Variants in CPNE4 observed in about 807,000 individuals in gnomAD.
The protein encoded by CPNE4 is copine-4.
A neutral mutation model predicts 67.9 loss-of-function variants in CPNE4; 25 were observed. That is an observed-to-expected ratio of 0.37 (90% CI 0.27 to 0.51). The LOEUF is 0.51. Ranked by LOEUF, CPNE4 falls within the 20% of genes least tolerant of loss-of-function variation. The pLI, the probability that CPNE4 is intolerant of heterozygous loss-of-function variation, is 0.93. For missense variants in CPNE4, 464 were observed against 690.8 expected (o/e 0.67, Z 3.68); for synonymous variants, 242 against 244.9 (o/e 0.99, Z 0.11).
intron 7 of CPNE4, among the ~76,000 whole-genome samples, chr3:131,605,578 A>G (rs1939452151): frequency 6.6e-6 from 1 of 152,148 alleles, no homozygotes; most frequent in South Asian, 2.1e-4. Context: ...GAAATATTTT[A>G]AACAGAGAAA....
intron 7 of CPNE4, among the ~76,000 whole-genome samples, chr3:131,612,234 C>T (rs1190438280): frequency 6.6e-6 from 1 of 151,978 alleles, no homozygotes; most frequent in African/African-American, 2.4e-5. Flanking sequence ...ATTAGCCAGG[C>T]GTGGTGGCGG....
At chr3:131,557,735 T>G (rs1366025416) in intron 11 of CPNE4, among the ~76,000 whole-genome samples, 1 of 152,010 alleles carries the variant, frequency 6.6e-6, no homozygotes, top group Non-Finnish European at 1.5e-5. Flanking sequence ...TACTTCTGGG[T>G]CCTTGGACAT....
intron 1 of CPNE4, among the ~76,000 whole-genome samples, chr3:131,911,710 A>G (rs2088987374): frequency 6.6e-6 from 1 of 152,064 alleles, no homozygotes; most frequent in African/African-American, 2.4e-5. Context: ...GGGATAGGGT[A>G]CAGGAAAGCA....
intron 2 of CPNE4, among the ~76,000 whole-genome samples, chr3:131,825,585 T>A (rs1190439309): frequency 6.6e-6 from 1 of 151,638 alleles, no homozygotes; most frequent in Non-Finnish European, 1.5e-5. Flanking sequence ...CTATTCCACA[T>A]GAAGACAGTT....
intron 2 of CPNE4, among the ~76,000 whole-genome samples, chr3:131,900,176 G>A (rs1841534): frequency 0.2 from 31,026 of 151,958 alleles, 3,861 homozygotes; most frequent in Non-Finnish European, 0.27. Context: ...CAAAAAATAG[G>A]TGAAAGATAT....
intron 1 of CPNE4, among the ~76,000 whole-genome samples, chr3:131,931,750 TGCAGG>T (rs1394123135): frequency 6.6e-6 from 1 of 152,128 alleles, no homozygotes; most frequent in Non-Finnish European, 1.5e-5. Flanking sequence ...CTAAGACAAA[TGCAGG>T]GCATAGTGAA....
chr3:131,700,841 A>G (rs1418282912), intron 3 of CPNE4, among the ~76,000 whole-genome samples: 1 of 151,948 alleles, frequency 6.6e-6, no homozygotes, highest in Non-Finnish European at 1.5e-5. Context: ...CTTGGAACCA[A>G]CCCAAATGTC....
At chr3:131,724,321 C>T (rs1421663314) in intron 2 of CPNE4, among the ~76,000 whole-genome samples, 1 of 152,118 alleles carries the variant, frequency 6.6e-6, no homozygotes, top group East Asian at 1.9e-4. Flanking sequence ...TCAGTTTTCT[C>T]ATCAACAAAA....
At chr3:131,969,309 C>T (rs1372059768) in intron 1 of CPNE4, among the ~76,000 whole-genome samples, 1 of 151,834 alleles carries the variant, frequency 6.6e-6, no homozygotes, top group South Asian at 2.1e-4. Context: ...ACCACCATGG[C>T]ACATGTATAC....
At chr3:131,674,457 T>G (rs2080507564) in intron 6 of CPNE4, among the ~76,000 whole-genome samples, 1 of 152,164 alleles carries the variant, frequency 6.6e-6, no homozygotes, top group East Asian at 1.9e-4. Flanking sequence ...TTTCCAGGCT[T>G]TTCTTTGCCA....
At position 131,593,965 on chromosome 3, in the gene CPNE4, G is replaced by A. The variant is rs532643365; in HGVS notation, c.682-6383C>T. Among the ~76,000 whole-genome samples the A allele has an allele frequency of 2.6e-5, 4 of 152,154 alleles. No homozygotes were observed. In the South Asian group the frequency reaches 8.3e-4, roughly 32 times the overall value. ...AATCTCTTGACCTCGTAATCTGCCT[G>A]CCTCGGACTCCTAAAGTGCTGGGAT... is the stretch of plus-strand genomic sequence containing the variant. On this transcript the variant is annotated intron_variant, in intron 7 of 15. Coordinates refer to ENST00000429747, the MANE Select transcript of CPNE4 (RefSeq NM_130808.3).
At position 131,801,559 on chromosome 3, in the gene CPNE4, G is replaced by T. The variant is rs114934294; in HGVS notation, c.181-77934C>A. 2.8e-3 allele frequency among the ~76,000 whole-genome samples: 409 copies of T among 146,350 alleles called. 1 individual carries two copies. The highest frequency in any genetic ancestry group is 9.7e-3 in the African/African-American group (388 of 40,022). On this transcript the variant is annotated intron_variant, in intron 2 of 15. Coordinates refer to ENST00000429747, the MANE Select transcript of CPNE4 (RefSeq NM_130808.3). ...GTGACCTTAAATAGAAACAATAGTA[G>T]AATCAAAATCAGGTGTCCTAAAGGT...
intron 2 of CPNE4, among the ~76,000 whole-genome samples, chr3:131,814,641 G>A (rs1242930681): frequency 3.9e-5 from 4 of 102,698 alleles, no homozygotes; most frequent in African/African-American, 1.7e-4. Context: ...GTCTCGCTCT[G>A]TCGCCCAGGC....
intron 11 of CPNE4, among the ~76,000 whole-genome samples, chr3:131,559,971 G>A (rs796392248): frequency 1.3e-5 from 2 of 152,026 alleles, no homozygotes; most frequent in East Asian, 3.9e-4. Context: ...GTGAAAAAAT[G>A]TGACAGCTAT....
At chr3:131,553,311 G>C (rs148729337) in intron 12 of CPNE4, among the ~76,000 whole-genome samples, 73 of 152,176 alleles carry the variant, frequency 4.8e-4, no homozygotes, top group African/African-American at 9.6e-4. Context: ...CTTAGTGGGA[G>C]GTGATCGGTG....
At chr3:131,891,020 T>C (rs1021101172) in intron 2 of CPNE4, among the ~76,000 whole-genome samples, 1 of 152,146 alleles carries the variant, frequency 6.6e-6, no homozygotes, top group Admixed American at 6.6e-5. Context: ...TACCACATAG[T>C]GCCTATAGTT....
At chr3:131,777,081 C>G (rs1424936579) in intron 2 of CPNE4, among the ~76,000 whole-genome samples, 1 of 152,078 alleles carries the variant, frequency 6.6e-6, no homozygotes, top group Non-Finnish European at 1.5e-5. Flanking sequence ...GGACTATAAC[C>G]CACACACAGA....
chr3:132,025,468 G>T (rs143414314), intron 1 of CPNE4, among the ~76,000 whole-genome samples: 25 of 152,334 alleles, frequency 1.6e-4, no homozygotes, highest in African/African-American at 4.3e-4. Flanking sequence ...GGAACAGAGA[G>T]AGAGGAGAGG....
intron 5 of CPNE4, among the ~76,000 whole-genome samples, chr3:131,692,813 G>A (rs2107690509): frequency 6.6e-6 from 1 of 152,222 alleles, no homozygotes; most frequent in South Asian, 2.1e-4. Context: ...TTACATATGT[G>A]GAGACCACCA....
Sources: gnomAD v4.1 joint callset for allele counts (sites outside exome capture counted in the v4.1 genomes callset) on GRCh38, gnomAD v4.1.1 for gene constraint, MANE v1.5 for transcripts, NCBI Gene and HGNC (gene_info 2026-07-23, HGNC 2026-07-21) for gene names.